Variants in RAPGEF5 observed in about 807,000 individuals in gnomAD.
The protein encoded by RAPGEF5 is Rap guanine nucleotide exchange factor 5.
A neutral mutation model predicts 125.2 loss-of-function variants in RAPGEF5; 65 were observed. The ratio of observed to expected loss-of-function variants is 0.52; its 90% CI spans 0.43 to 0.64. RAPGEF5 has a LOEUF of 0.64. Among genes scored for constraint, RAPGEF5 ranks in the 30% least tolerant of loss-of-function variants. The pLI is 0.00. For missense variants in RAPGEF5, 958 were observed against 1,048.1 expected, an observed-to-expected ratio of 0.91 and a Z score of 1.19; for synonymous variants, 391 against 385.9, an observed-to-expected ratio of 1.01 and a Z score of -0.16.
chr7:22,231,180 A>G (rs939992947), intron 7 of RAPGEF5, among the ~76,000 whole-genome samples: 1 of 152,212 alleles, frequency 6.6e-6, no homozygotes, highest in African/African-American at 2.4e-5. Flanking sequence ...CCATCCTGAC[A>G]TCACCATATC....
At chr7:22,343,913 A>G (rs903459854) in intron 1 of RAPGEF5, among the ~76,000 whole-genome samples, 4 of 152,118 alleles carry the variant, frequency 2.6e-5, no homozygotes, top group Non-Finnish European at 5.9e-5. Context: ...GAAAAAAAAA[A>G]GCAGGGGCAG....
intron 1 of RAPGEF5, chr7:22,356,362 C>G (rs966265302): frequency 3.6e-6 from 2 of 548,680 alleles, no homozygotes; most frequent in Non-Finnish European, 4.6e-6. Flanking sequence ...GCGGTGGAGA[C>G]CACCAAAACC....
intron 9 of RAPGEF5, among the ~76,000 whole-genome samples, chr7:22,214,244 T>C (rs1785578058): frequency 6.6e-6 from 1 of 152,116 alleles, no homozygotes; most frequent in Non-Finnish European, 1.5e-5. Flanking sequence ...CACCCATCCA[T>C]ATTTCATGAG....
chr7:22,311,365 T>C (rs1403491915), intron 3 of RAPGEF5, among the ~76,000 whole-genome samples: 1 of 152,188 alleles, frequency 6.6e-6, no homozygotes, highest in Non-Finnish European at 1.5e-5. Context: ...TTATATGCAG[T>C]ACTGAAGGAC....
At chr7:22,275,090 C>T (rs944827053) in intron 6 of RAPGEF5, among the ~76,000 whole-genome samples, 24 of 152,066 alleles carry the variant, frequency 1.6e-4, no homozygotes, top group African/African-American at 5.8e-4. Flanking sequence ...TCTGGAATGC[C>T]TCCCCACCTC....
At chr7:22,241,049 C>G (rs1344408952) in intron 7 of RAPGEF5, among the ~76,000 whole-genome samples, 2 of 152,184 alleles carry the variant, frequency 1.3e-5, no homozygotes, top group African/African-American at 4.8e-5. Context: ...TGCCAAGTGG[C>G]TAAGCCAGGA....
intron 6 of RAPGEF5, among the ~76,000 whole-genome samples, chr7:22,288,526 CTT>C (rs56683554): frequency 0.22 from 31,369 of 142,306 alleles, 3,290 homozygotes; most frequent in East Asian, 0.49. Context: ...CTTTTCTTTT[CTT>C]TTTTTTTTTT....
chr7:22,279,212 G>A (rs774958266), intron 6 of RAPGEF5, among the ~76,000 whole-genome samples: 3 of 152,042 alleles, frequency 2.0e-5, no homozygotes, highest in Non-Finnish European at 4.4e-5. Context: ...AGAACCCCAC[G>A]TGTGTTTGTC....
intron 11 of RAPGEF5, among the ~76,000 whole-genome samples, chr7:22,178,518 CAAGTACCTGTT>C (rs1361680058): frequency 1.3e-5 from 2 of 152,194 alleles, no homozygotes; most frequent in Non-Finnish European, 2.9e-5. Context: ...TGCGGTCTGA[CAAGTACCTGTT>C]AAGGGCTCAC....
intron 6 of RAPGEF5, among the ~76,000 whole-genome samples, chr7:22,278,693 A>G (rs1162181658): frequency 1.3e-5 from 2 of 150,640 alleles, no homozygotes; most frequent in Non-Finnish European, 2.9e-5. Flanking sequence ...GTATCACAGA[A>G]TTGCAGGCCA....
At position 22,136,976 on chromosome 7, in the gene RAPGEF5, G is replaced by C. The variant is rs548415607; in HGVS notation, c.2285C>G (p.Pro762Arg). The change falls in exon 22 of 26, where the codon CCT becomes CGT. Residue 762 changes from proline to arginine, a missense_variant. Transcript: ENST00000665637. Reference sequence around the variant, plus strand: ...AGAGAAAAGTTTCTTAAACTTCCCAGGGATTTTCTAAAAAACAAACACAAA... The same window carrying C: ...AGAGAAAAGTTTCTTAAACTTCCCACGGATTTTCTAAAAAACAAACACAAA... Reference protein sequence around the residue: ...SRLSQTWEKIPGKFKKLFSEL... With the variant: ...SRLSQTWEKIRGKFKKLFSEL... 1 of 1,581,574 alleles carries C rather than the reference G, an allele frequency of 6.3e-7. No individual in the cohort carries two copies. Among genetic ancestry groups the C allele is most frequent in the Admixed American group, 1.7e-5 (1 of 57,248 alleles).
At chr7:22,167,036 G>A in intron 12 of RAPGEF5, 34 bp downstream of exon 12, 1 of 1,545,418 alleles carries the variant, frequency 6.5e-7, no homozygotes. Flanking sequence ...CTGAGAGGAA[G>A]TGGACACAGC....
chr7:22,197,462 G>A (rs1291002842), intron 9 of RAPGEF5, among the ~76,000 whole-genome samples: 1 of 152,218 alleles, frequency 6.6e-6, no homozygotes, highest in Non-Finnish European at 1.5e-5. Context: ...GATGTTAACT[G>A]ATAGGAAGGC....
chr7:22,342,984 C>T (rs533900810), intron 1 of RAPGEF5, among the ~76,000 whole-genome samples: 1 of 152,186 alleles, frequency 6.6e-6, no homozygotes, highest in Non-Finnish European at 1.5e-5. Context: ...TTCAGTAGTG[C>T]CCCCACTCTA....
intron 7 of RAPGEF5, among the ~76,000 whole-genome samples, chr7:22,250,748 A>G (rs535478474): frequency 6.6e-6 from 1 of 152,346 alleles, no homozygotes; most frequent in South Asian, 2.1e-4. Flanking sequence ...AATGATTAGT[A>G]ATTATTATTC....
chr7:22,185,568 C>T (rs1784800711), intron 11 of RAPGEF5, among the ~76,000 whole-genome samples: 1 of 152,040 alleles, frequency 6.6e-6, no homozygotes, highest in African/African-American at 2.4e-5. Context: ...TACCAAAATC[C>T]AAACCAAACC....
chr7:22,281,773 C>T (rs1782678460), intron 6 of RAPGEF5, among the ~76,000 whole-genome samples: 5 of 152,220 alleles, frequency 3.3e-5, no homozygotes, highest in African/African-American at 1.2e-4. Flanking sequence ...TATTCTAACA[C>T]ATCTGACAAA....
chr7:22,318,447 C>G (rs1371245813), intron 1 of RAPGEF5, among the ~76,000 whole-genome samples: 1 of 152,278 alleles, frequency 6.6e-6, no homozygotes, highest in East Asian at 1.9e-4. Flanking sequence ...AGGTCACATC[C>G]CCTTTAGGCC....
At chr7:22,181,632 G>C (rs1457865641) in intron 11 of RAPGEF5, among the ~76,000 whole-genome samples, 1 of 152,136 alleles carries the variant, frequency 6.6e-6, no homozygotes, top group African/African-American at 2.4e-5. Flanking sequence ...GATTTTGGTT[G>C]TTGTTGTTTA....
Sources: gnomAD v4.1 joint callset for allele counts (sites outside exome capture counted in the v4.1 genomes callset) on GRCh38, gnomAD v4.1.1 for gene constraint, MANE v1.5 for transcripts, NCBI Gene and HGNC (gene_info 2026-07-23, HGNC 2026-07-21) for gene names.